The following CACNA2D3 variants were observed in gnomAD, a reference collection of about 807,000 sequenced individuals.
CACNA2D3 encodes voltage-dependent calcium channel subunit alpha-2/delta-3.
Under a neutral mutation model 160.6 loss-of-function variants are expected in CACNA2D3, and 60 were observed. That is an observed-to-expected ratio of 0.37 (90% CI 0.30 to 0.46). The LOEUF (loss-of-function observed/expected upper bound fraction) is 0.46, where lower values mean the gene tolerates loss of function less well. Ranked by LOEUF, CACNA2D3 falls within the 20% of genes least tolerant of loss-of-function variation. The pLI, the probability that CACNA2D3 is intolerant of heterozygous loss-of-function variation, is 1.00. For synonymous variants in CACNA2D3, 558 were observed against 492.9 expected, an observed-to-expected ratio of 1.13 and a Z score of -1.75; for missense variants, 1,205 against 1,365.0, an observed-to-expected ratio of 0.88 and a Z score of 1.85.
intron 4 of CACNA2D3, among the ~76,000 whole-genome samples, chr3:54,469,197 G>A (rs1331943306): frequency 6.6e-6 from 1 of 152,198 alleles, no homozygotes; most frequent in African/African-American, 2.4e-5. Context: ...CATCTGGTGG[G>A]TGCCCCTCTG....
At chr3:55,067,480 T>C (rs1704686376) in intron 35 of CACNA2D3, among the ~76,000 whole-genome samples, 1 of 152,232 alleles carries the variant, frequency 6.6e-6, no homozygotes, top group South Asian at 2.1e-4. Flanking sequence ...AGTTTACTTA[T>C]CCTCGTTGAG....
intron 9 of CACNA2D3, among the ~76,000 whole-genome samples, chr3:54,600,726 T>A (rs1703045003): frequency 6.6e-6 from 1 of 152,110 alleles, no homozygotes; most frequent in Non-Finnish European, 1.5e-5. Flanking sequence ...CTTTTCTTCC[T>A]CCCCAGTTGT....
At chr3:54,201,817 C>T (rs979286879) in intron 2 of CACNA2D3, among the ~76,000 whole-genome samples, 4 of 152,080 alleles carry the variant, frequency 2.6e-5, no homozygotes, top group Non-Finnish European at 5.9e-5. Flanking sequence ...ATAAGTTGGA[C>T]AAAGGTATAA....
intron 11 of CACNA2D3, among the ~76,000 whole-genome samples, chr3:54,657,369 TTG>T: frequency 6.6e-6 from 1 of 152,294 alleles, no homozygotes; most frequent in South Asian, 2.1e-4. Context: ...TGTTTTGTTT[TTG>T]TGATTAGAAC....
chr3:54,462,632 A>G (rs1363500143), intron 4 of CACNA2D3, among the ~76,000 whole-genome samples: 2 of 152,038 alleles, frequency 1.3e-5, no homozygotes, highest in Admixed American at 1.3e-4. Flanking sequence ...TGCTTGGTAG[A>G]TCTTCCTCCA....
intron 9 of CACNA2D3, among the ~76,000 whole-genome samples, chr3:54,603,978 T>C (rs959893326): frequency 4.6e-5 from 7 of 152,226 alleles, no homozygotes; most frequent in African/African-American, 1.7e-4. Flanking sequence ...TTTAGATGGA[T>C]ACATAGCATT....
At chr3:54,580,679 G>C (rs1702660879) in intron 8 of CACNA2D3, among the ~76,000 whole-genome samples, 1 of 152,214 alleles carries the variant, frequency 6.6e-6, no homozygotes. Flanking sequence ...GAAGGACCAG[G>C]CATGGGCCCT....
intron 3 of CACNA2D3, among the ~76,000 whole-genome samples, chr3:54,336,004 CAAAAA>C (rs60465412): frequency 0.012 from 858 of 74,552 alleles, 6 homozygotes; most frequent in African/African-American, 0.041. Context: ...GACTCCGTCT[CAAAAA>C]AAAAAAAAAA....
intron 12 of CACNA2D3, 150 bp from the exon 13 acceptor site, chr3:54,764,068 G>T: frequency 1.3e-6 from 1 of 780,940 alleles, no homozygotes; most frequent in Admixed American, 2.3e-5. Context: ...AGGAGCTAAC[G>T]TTGAAAAGAA....
chr3:54,811,074 G>T (rs537780440), intron 13 of CACNA2D3, among the ~76,000 whole-genome samples: 12 of 152,034 alleles, frequency 7.9e-5, no homozygotes, highest in Non-Finnish European at 1.8e-4. Flanking sequence ...TCACCCCTTC[G>T]GTAACCTCAT....
At chr3:54,612,409 C>T (rs1470714466) in intron 9 of CACNA2D3, among the ~76,000 whole-genome samples, 3 of 152,032 alleles carry the variant, frequency 2.0e-5, no homozygotes, top group Admixed American at 2.0e-4. Flanking sequence ...GCCCAAGGAC[C>T]GTGAGCAACA....
chr3:54,563,265 T>A (rs1050243702), intron 6 of CACNA2D3, among the ~76,000 whole-genome samples: 1 of 152,210 alleles, frequency 6.6e-6, no homozygotes, highest in African/African-American at 2.4e-5. Flanking sequence ...TTACCAATAC[T>A]GCTGCTGTTA....
chr3:54,624,939 C>T (rs1699063883), intron 9 of CACNA2D3, among the ~76,000 whole-genome samples: 1 of 152,200 alleles, frequency 6.6e-6, no homozygotes, highest in Non-Finnish European at 1.5e-5. Context: ...GGCAGACTCC[C>T]TTCCTGCCCA....
At chr3:54,580,837 G>C (rs930380518) in intron 8 of CACNA2D3, among the ~76,000 whole-genome samples, 1 of 152,238 alleles carries the variant, frequency 6.6e-6, no homozygotes, top group African/African-American at 2.4e-5. Context: ...GACCCAGGAG[G>C]TGAACAGGAG....
At chr3:54,552,656 G>A (rs1364918980) in intron 5 of CACNA2D3, among the ~76,000 whole-genome samples, 2 of 152,238 alleles carry the variant, frequency 1.3e-5, no homozygotes, top group East Asian at 3.9e-4. Flanking sequence ...CATAGTGTGT[G>A]GCACATTGTA....
chr3:54,629,888 G>C (rs1297339467), intron 10 of CACNA2D3, among the ~76,000 whole-genome samples: 1 of 152,196 alleles, frequency 6.6e-6, no homozygotes, highest in Non-Finnish European at 1.5e-5. Flanking sequence ...CTCTTTCCCT[G>C]TTCTCTGGCC....
Position 54,438,746 on chromosome 3 carries a change from G to A in CACNA2D3, c.381+51972G>A, listed in dbSNP as rs116363478. 5.5e-3 allele frequency among the ~76,000 whole-genome samples: 844 copies of A among 152,288 alleles called. 5 individuals carry two copies. The highest frequency in any genetic ancestry group is 0.019 in the African/African-American group (782 of 41,566). On this transcript the variant is annotated intron_variant, in intron 4 of 37. Coordinates refer to ENST00000474759, the MANE Select transcript of CACNA2D3 (RefSeq NM_018398.3). ...TTAAGTGCATTAATTATCCATTAAA[G>A]GGGTAATTTAACAATCATTAAGGGA...
intron 4 of CACNA2D3, among the ~76,000 whole-genome samples, chr3:54,439,006 G>C (rs1416228344): frequency 6.6e-6 from 1 of 152,186 alleles, no homozygotes; most frequent in Non-Finnish European, 1.5e-5. Flanking sequence ...AGTCGACCAG[G>C]TGTGGATTGA....
At chr3:54,377,071 G>A (rs1398393138) in intron 3 of CACNA2D3, among the ~76,000 whole-genome samples, 13 of 152,236 alleles carry the variant, frequency 8.5e-5, no homozygotes, top group Admixed American at 8.5e-4. Context: ...GCAAGGAGCT[G>A]CCTGCCACAC....
Sources: allele counts gnomAD v4.1 joint callset (sites outside exome capture counted in the v4.1 genomes callset), GRCh38; gene constraint gnomAD v4.1.1; transcripts MANE v1.5; gene names NCBI Gene and HGNC (gene_info 2026-07-23, HGNC 2026-07-21).